The following BCCIP variants were observed in gnomAD, a reference collection of about 807,000 sequenced individuals.
BCCIP encodes BRCA2 and CDKN1A-interacting protein.
A neutral mutation model predicts 32.8 loss-of-function variants in BCCIP; 23 were observed. The ratio of observed to expected loss-of-function variants is 0.70; its 90% CI spans 0.51 to 0.99. The LOEUF is 0.99. BCCIP is among the 50% of genes least tolerant of loss of function. The pLI is 0.00. For missense variants in BCCIP, 378 were observed against 379.8 expected, an observed-to-expected ratio of 1.00 and a Z score of 0.04; for synonymous variants, 144 against 137.6, an observed-to-expected ratio of 1.05 and a Z score of -0.33.
At chr10:125,850,354 CTTTTTT>C (rs765077777) in intron 7 of BCCIP, among the ~76,000 whole-genome samples, 1 of 124,560 alleles carries the variant, frequency 8.0e-6, no homozygotes, top group Non-Finnish European at 1.7e-5. Context: ...TTCTTTCTTT[CTTTTTT>C]TTTTTTTTTT....
chr10:125,852,185 T>C, intron 7 of BCCIP: 3 of 1,374,114 alleles, frequency 2.2e-6, no homozygotes. Context: ...CAACGCCCCC[T>C]CCATGCTTGT....
downstream of BCCIP, among the ~76,000 whole-genome samples, chr10:125,847,149 C>A (rs140291654): frequency 6.6e-6 from 1 of 151,584 alleles, no homozygotes; most frequent in Non-Finnish European, 1.5e-5. Context: ...AGAAAACACC[C>A]ATTGTATGGT....
At chr10:125,826,408 T>C in intron 1 of BCCIP, 183 bp from the exon 2 acceptor site, 2 of 897,430 alleles carry the variant, frequency 2.2e-6, no homozygotes, top group South Asian at 3.7e-5. Context: ...AACTGGACTT[T>C]CTCAACATTT....
At chr10:125,844,944 T>C (rs1219322490), downstream of BCCIP, among the ~76,000 whole-genome samples, 2 of 152,244 alleles carry the variant, frequency 1.3e-5, no homozygotes, top group Non-Finnish European at 2.9e-5. Context: ...GGGCTATCAT[T>C]ACAGTATTTC....
At chr10:125,841,970 A>G (rs775384854) in exon 7 of BCCIP, 2 of 1,536,674 alleles carry the variant, frequency 1.3e-6, no homozygotes, top group Non-Finnish European at 1.7e-6. Flanking sequence ...TAAGAGTCTC[A>G]TATGGCTAAG....
At chr10:125,837,551 CAAG>C (rs1854733399), downstream of BCCIP, among the ~76,000 whole-genome samples, 1 of 152,168 alleles carries the variant, frequency 6.6e-6, no homozygotes, top group Admixed American at 6.5e-5. Context: ...CGCAGAATCT[CAAG>C]TAGCTGGGAC....
chr10:125,847,277 A>G (rs1564824656), downstream of BCCIP, among the ~76,000 whole-genome samples: 1 of 152,206 alleles, frequency 6.6e-6, no homozygotes, highest in Non-Finnish European at 1.5e-5. Flanking sequence ...ATGAGAAACT[A>G]AAAAACTTGT....
exon 7 of BCCIP, chr10:125,842,429 A>C (rs191560576): frequency 1.3e-5 from 2 of 152,994 alleles, no homozygotes; most frequent in African/African-American, 4.8e-5. Flanking sequence ...TGGTGCTGAC[A>C]CAGGACCTAG....
At chr10:125,838,348 G>A (rs917380408), downstream of BCCIP, 1 of 1,607,688 alleles carries the variant, frequency 6.2e-7, no homozygotes. Flanking sequence ...TTATGTGTCA[G>A]CATTAAGTAG....
At chr10:125,833,491 A>T (rs1402611884) in intron 5 of BCCIP, among the ~76,000 whole-genome samples, 1 of 152,240 alleles carries the variant, frequency 6.6e-6, no homozygotes, top group Non-Finnish European at 1.5e-5. Context: ...GCAGTGATAC[A>T]TTGAGTGAAT....
downstream of BCCIP, chr10:125,842,807 A>G (rs1178577004): frequency 1.1e-6 from 1 of 949,568 alleles, no homozygotes; most frequent in Non-Finnish European, 1.3e-6. Context: ...TAGCAAGCTG[A>G]TTCTCTCCAT....
exon 7 of BCCIP, chr10:125,842,135 TC>T: frequency 1.4e-6 from 1 of 696,608 alleles, no homozygotes; most frequent in Non-Finnish European, 2.2e-6. Flanking sequence ...CCTGTGATTG[TC>T]CAGCTCATGC....
chr10:125,827,917 G>A (rs1854436442), intron 3 of BCCIP, among the ~76,000 whole-genome samples: 1 of 143,652 alleles, frequency 7.0e-6, no homozygotes, highest in East Asian at 2.0e-4. Flanking sequence ...GCCATGGTGA[G>A]CTTTGTGCCG....
At chr10:125,836,742 T>G, downstream of BCCIP, 1 of 1,614,210 alleles carries the variant, frequency 6.2e-7, no homozygotes, top group Non-Finnish European at 8.5e-7. Context: ...CATTTGCTGT[T>G]CCTTATTCAT....
chr10:125,831,669 G>A (rs1854523815), intron 5 of BCCIP, 62 bp downstream of exon 5: 1 of 1,463,870 alleles, frequency 6.8e-7, no homozygotes, highest in Admixed American at 1.9e-5. Context: ...ATTCCTAAAT[G>A]TCATTTAAGT....
chr10:125,853,031 T>C (rs1239607332), intron 7 of BCCIP: 7 of 877,326 alleles, frequency 8.0e-6, no homozygotes, highest in South Asian at 3.4e-5. Context: ...ACCAGGATCT[T>C]GGTGGTCTCA....
At chr10:125,836,022 G>T in intron 6 of BCCIP, 82 bp from the exon 7 acceptor site, 1 of 1,274,424 alleles carries the variant, frequency 7.8e-7, no homozygotes, top group Non-Finnish European at 1.1e-6. Flanking sequence ...TATGCCAAAC[G>T]TAATATTCTT....
exon 7 of BCCIP, chr10:125,841,919 A>C: frequency 6.3e-7 from 1 of 1,594,822 alleles, no homozygotes; most frequent in Non-Finnish European, 8.5e-7. Context: ...CAATGCCTGC[A>C]TCAAACTTTC....
intron 1 of BCCIP, among the ~76,000 whole-genome samples, chr10:125,824,999 A>G (rs921054115): frequency 1.3e-5 from 2 of 152,282 alleles, no homozygotes; most frequent in Non-Finnish European, 2.9e-5. Flanking sequence ...TATGTGATCA[A>G]TCTTCCTTCC....
Sources: allele counts gnomAD v4.1 joint callset (sites outside exome capture counted in the v4.1 genomes callset), GRCh38; gene constraint gnomAD v4.1.1; transcripts MANE v1.5; gene names NCBI Gene and HGNC (gene_info 2026-07-23, HGNC 2026-07-21).